The following PTPN20 variants were observed in gnomAD, a reference collection of about 807,000 sequenced individuals.
PTPN20 encodes tyrosine-protein phosphatase non-receptor type 20.
PTPN20 carries 9 observed loss-of-function variants against 35.0 expected under a neutral mutation model. That is an observed-to-expected ratio of 0.26 (90% CI 0.15 to 0.45). The LOEUF (loss-of-function observed/expected upper bound fraction) is 0.45. Among genes scored for constraint, PTPN20 ranks in the 20% least tolerant of loss-of-function variants. The probability of loss-of-function intolerance (pLI) is 1.00; values close to 1 mark genes in which losing one functional copy is unlikely to be tolerated. For missense variants in PTPN20, 111 were observed against 312.5 expected, an observed-to-expected ratio of 0.36 and a Z score of 4.86; for synonymous variants, 32 against 100.2, an observed-to-expected ratio of 0.32 and a Z score of 4.06.
chr10:46,998,831 A>T (rs1009457428), intron 9 of PTPN20, among the ~76,000 whole-genome samples: 11 of 114,844 alleles, frequency 9.6e-5, no homozygotes, highest in African/African-American at 4.0e-4. Flanking sequence ...ATAAAATAAA[A>T]TTTTTTTATG....
chr10:46,996,181 G>C (rs1489580756), intron 9 of PTPN20, among the ~76,000 whole-genome samples: 4 of 152,286 alleles, frequency 2.6e-5, no homozygotes, highest in South Asian at 4.1e-4. Context: ...AATAACACAA[G>C]TGTAGTTTTA....
At chr10:46,951,266 T>A (rs2046568654) in intron 5 of PTPN20, among the ~76,000 whole-genome samples, 1 of 152,106 alleles carries the variant, frequency 6.6e-6, no homozygotes, top group Non-Finnish European at 1.5e-5. Flanking sequence ...GTGCTGGGAT[T>A]ACAGGCGTGA....
At chr10:46,935,306 G>GTTTTTTT (rs71465454) in intron 2 of PTPN20, among the ~76,000 whole-genome samples, 1 of 107,490 alleles carries the variant, frequency 9.3e-6, no homozygotes, top group African/African-American at 4.2e-5. Flanking sequence ...ATTTCATTCT[G>GTTTTTTT]TTTTTTTTTT....
chr10:46,983,789 T>C (rs1310435323), intron 7 of PTPN20, among the ~76,000 whole-genome samples: 2 of 142,584 alleles, frequency 1.4e-5, no homozygotes, highest in Non-Finnish European at 3.0e-5. Context: ...ATTTTTTTTT[T>C]CCCCTGGCCC....
intron 1 of PTPN20, chr10:46,926,007 A>AT: frequency 1.0e-6 from 1 of 984,852 alleles, no homozygotes; most frequent in Non-Finnish European, 1.2e-6. Context: ...TAGGTGGCAT[A>AT]TTGGTTTTTC....
At chr10:46,981,333 G>T (rs1284584005) in intron 7 of PTPN20, 1 of 144,736 alleles carries the variant, frequency 6.9e-6, no homozygotes, top group Non-Finnish European at 1.5e-5. Context: ...GAACAAAGTG[G>T]CCATAATGGC....
At chr10:46,918,624 C>T (rs2033878463) in intron 1 of PTPN20, among the ~76,000 whole-genome samples, 1 of 137,176 alleles carries the variant, frequency 7.3e-6, no homozygotes, top group Non-Finnish European at 1.5e-5. Flanking sequence ...TCCTTTGTCA[C>T]TTCTTTGAAT....
chr10:46,994,794 A>G (rs1589990457), intron 9 of PTPN20, among the ~76,000 whole-genome samples: 4 of 152,090 alleles, frequency 2.6e-5, no homozygotes. Flanking sequence ...ATATTTGGTG[A>G]TGATCTTCAT....
chr10:46,948,030 A>G (rs1370720632), intron 5 of PTPN20: 4 of 426,410 alleles, frequency 9.4e-6, no homozygotes, highest in African/African-American at 8.3e-5. Flanking sequence ...AGCTGTACTA[A>G]CATTATTTGT....
At chr10:47,000,176 G>A (rs200216102) in intron 10 of PTPN20, among the ~76,000 whole-genome samples, 48,901 of 151,994 alleles carry the variant, frequency 0.32, 8,236 homozygotes, top group South Asian at 0.48. Flanking sequence ...TGCTCCATGG[G>A]GTCACTCAGA....
chr10:46,999,977 A>G lies in PTPN20; in HGVS notation c.1197+3A>G, dbSNP rs781986719. 4.5e-5 allele frequency: 73 copies of G among 1,613,664 alleles called. No individual in the cohort carries two copies. Among genetic ancestry groups the G allele is most frequent in the Non-Finnish European group, 6.1e-5 (72 of 1,179,710 alleles). ...GTTCTGGCATGGTTCAAACGAAGGTAAGCTTTCACCACATACATAATAATA... is the reference window on the plus strand; with the variant it reads ...GTTCTGGCATGGTTCAAACGAAGGTGAGCTTTCACCACATACATAATAATA... On this transcript the variant is annotated splice_donor_region_variant and intron_variant, in intron 10 of 10. Coordinates refer to ENST00000374339, the MANE Select transcript of PTPN20 (RefSeq NM_001042357.5).
Position 46,953,886 on chromosome 10 carries a change from T to C in PTPN20, c.340+7211T>C, listed in dbSNP as rs1472259190. Among the ~76,000 whole-genome samples, 5 of 138,304 alleles carry C rather than the reference T, an allele frequency of 3.6e-5. No homozygotes were observed. The East Asian group carries it at 1.1e-3, about 30-fold the overall frequency. The allele number at this position is 138,304 out of a possible 152,430, so 90.7% of individuals were successfully genotyped here. On this transcript the variant is annotated intron_variant, in intron 5 of 10. Transcript: ENST00000374339. Reference sequence around the variant, plus strand: ...TCTGTAATTTTCTTTTTTTGTGATATCTTTTTCCGGTTTTAGTATCAGAGC... The same window carrying C: ...TCTGTAATTTTCTTTTTTTGTGATACCTTTTTCCGGTTTTAGTATCAGAGC...
chr10:46,994,361 C>T (rs1263967968), intron 9 of PTPN20, among the ~76,000 whole-genome samples: 1 of 130,884 alleles, frequency 7.6e-6, no homozygotes, highest in Non-Finnish European at 1.5e-5. Flanking sequence ...CGGAGTCTCG[C>T]TCTGTGGCCC....
At chr10:46,950,991 G>A (rs2046460506) in intron 5 of PTPN20, among the ~76,000 whole-genome samples, 1 of 145,914 alleles carries the variant, frequency 6.9e-6, no homozygotes. Context: ...CCATTCTCCA[G>A]TTGACTTTTT....
chr10:46,954,396 C>T (rs1420974767), intron 5 of PTPN20, among the ~76,000 whole-genome samples: 2 of 149,068 alleles, frequency 1.3e-5, no homozygotes, highest in Non-Finnish European at 2.9e-5. Context: ...ACATATGGGC[C>T]ACAATTCAGC....
rs1223560446 is a variant in PTPN20, at chr10:46,932,362, TG to T, written c.-123-14del. ...TGTGTAACAGAAAAATCTTTGGCTT[TG>T]TGTGTTTTACCAGGTGAACAAAAAT... On this transcript the variant is annotated splice_polypyrimidine_tract_variant and intron_variant, in intron 1 of 10. Coordinates refer to ENST00000374339, the MANE Select transcript of PTPN20 (RefSeq NM_001042357.5). 6.2e-7 allele frequency: 1 copy of T among 1,601,466 alleles called. No individual in the cohort carries two copies. Among genetic ancestry groups the T allele is most frequent in the Non-Finnish European group, 8.5e-7 (1 of 1,175,098 alleles).
rs71023200 is a variant in PTPN20, at chr10:46,932,062, TTGTGTG to T, written c.-123-289_-123-284del. Among the ~76,000 whole-genome samples the T allele has an allele frequency of 4.0e-3, 528 of 133,630 alleles. 15 individuals carry two copies. The highest frequency in any genetic ancestry group is 0.016 in the African/African-American group (490 of 31,252). The allele number at this position is 133,630 out of a possible 152,430, so 87.7% of individuals were successfully genotyped here. On this transcript the variant is annotated intron_variant, in intron 1 of 10. Transcript: ENST00000374339. The stretch of plus-strand genomic sequence containing the variant: ...TTCCATTGAGTGACATTGATTGAAT[TTGTGTG>T]TGTGTGTGTGTGTGTGTGTGTGTGT...
intron 9 of PTPN20, among the ~76,000 whole-genome samples, chr10:46,993,498 T>C (rs2058409890): frequency 6.6e-6 from 1 of 152,176 alleles, no homozygotes; most frequent in Admixed American, 6.5e-5. Context: ...CGTGGGTGTA[T>C]AGCTGATGTG....
At chr10:46,997,057 A>G (rs1555181736) in intron 9 of PTPN20, among the ~76,000 whole-genome samples, 1 of 152,200 alleles carries the variant, frequency 6.6e-6, no homozygotes, top group Non-Finnish European at 1.5e-5. Context: ...CTGTAGTTTA[A>G]TTGGAGAGAG....
Sources: allele counts gnomAD v4.1 joint callset (sites outside exome capture counted in the v4.1 genomes callset), GRCh38; gene constraint gnomAD v4.1.1; transcripts MANE v1.5; gene names NCBI Gene and HGNC (gene_info 2026-07-23, HGNC 2026-07-21).